Variants in CDAN1 observed in about 807,000 individuals in gnomAD.
CDAN1 encodes codanin 1.
Under a neutral mutation model 139.8 loss-of-function variants are expected in CDAN1, and 107 were observed. That is an observed-to-expected ratio of 0.77 (90% CI 0.65 to 0.90). The LOEUF is 0.90. Ranked by LOEUF, CDAN1 falls within the 40% of genes least tolerant of loss-of-function variation. The pLI is 0.00. For missense variants in CDAN1, 1,667 were observed against 1,575.7 expected, an observed-to-expected ratio of 1.06 and a Z score of -0.98; for synonymous variants, 776 against 660.6, an observed-to-expected ratio of 1.17 and a Z score of -2.68.
Position 42,726,349 on chromosome 15 carries a change from C to G in CDAN1, c.3165G>C (p.Gln1055His). ...DEGVSPEHLE[Q>H]LLGQLGQTLR... The stretch of plus-strand genomic sequence containing the variant: ...GCGTCTGGCCCAGCTGGCCTAGGAG[C>G]TGTTCCAGATGCTCTGGGGAGACTC... The change falls in exon 24 of 28, where the codon CAG becomes CAC. Residue 1055 changes from glutamine to histidine, a missense_variant. Gln to His is a conservative substitution (Grantham distance 24). Coordinates refer to ENST00000356231, the MANE Select transcript of CDAN1 (RefSeq NM_138477.4). The G allele has an allele frequency of 6.3e-7, 1 of 1,596,384 alleles. No individual in the cohort carries two copies. The highest frequency in any genetic ancestry group is 8.5e-7 in the Non-Finnish European group (1 of 1,171,704).
chr15:42,726,325 C>T lies in CDAN1; in HGVS notation c.3189G>A (p.Thr1063=), dbSNP rs140304348. The T allele has an allele frequency of 1.5e-4, 234 of 1,589,794 alleles. No individual in the cohort carries two copies. The highest frequency in any genetic ancestry group is 1.0e-3 in the African/African-American group (78 of 74,576). ...LEQLLGQLGQ[T]LRCRQFLCPP... Reference sequence around the variant, plus strand: ...CACAGCTCACCTGGCGGCACCGCAGCGTCTGGCCCAGCTGGCCTAGGAGCT... The same window carrying T: ...CACAGCTCACCTGGCGGCACCGCAGTGTCTGGCCCAGCTGGCCTAGGAGCT... The change falls in exon 24 of 28, where the codon ACG becomes ACA. Residue 1063 remains threonine, a synonymous_variant. Coordinates refer to ENST00000356231, the MANE Select transcript of CDAN1 (RefSeq NM_138477.4).
chr15:42,733,268 CA>C, intron 8 of CDAN1, 82 bp from the exon 9 acceptor site: 1 of 1,146,632 alleles, frequency 8.7e-7, no homozygotes, highest in Non-Finnish European at 1.3e-6. Flanking sequence ...ATCCGTAGCC[CA>C]CCCACCACCT....
At chr15:42,728,953 G>GTTTAGCAAC in intron 19 of CDAN1, 70 bp downstream of exon 19, 1 of 1,585,730 alleles carries the variant, frequency 6.3e-7, no homozygotes, top group Non-Finnish European at 8.7e-7. Context: ...GACCTTCTCA[G>GTTTAGCAAC]TTTAGCAACT....
At chr15:42,733,840 G>C in intron 8 of CDAN1, 98 bp downstream of exon 8, 1 of 898,802 alleles carries the variant, frequency 1.1e-6, no homozygotes. Flanking sequence ...CCCACCACCT[G>C]TTGGTGCCAA....
Position 42,735,891 on chromosome 15 carries a change from T to C in CDAN1, c.757A>G (p.Met253Val), listed in dbSNP as rs184207000. ...AGGCCATACCGCTCCTTCCTGAGCA[T>C]CTCTCGCTCCTCTTGCAGACTTCTG... ...GCRSLQEEREMLRKERSKQLQ... is the reference protein window; with the variant it reads ...GCRSLQEEREVLRKERSKQLQ... The change falls in exon 3 of 28, where the codon ATG (methionine) becomes GTG (valine). Residue 253 changes from methionine to valine, a missense_variant. Coordinates refer to ENST00000356231, the MANE Select transcript of CDAN1 (RefSeq NM_138477.4). 1 of 1,614,086 alleles carries C rather than the reference T, an allele frequency of 6.2e-7. No individual in the cohort carries two copies. The highest frequency in any genetic ancestry group is 1.7e-5 in the Admixed American group (1 of 60,010).
In CDAN1 at chr15:42,727,851, T is replaced by C. The variant is rs1595852231; in HGVS notation, c.2948-82A>G. ...CCATGCTAACCCATGCCTTTTGCTG[T>C]TTCCTACTGGCTCTCAGTCCCATCG... On this transcript the variant is annotated intron_variant, in intron 22 of 27. Coordinates refer to ENST00000356231, the MANE Select transcript of CDAN1 (RefSeq NM_138477.4). The C allele has an allele frequency of 2.1e-5, 33 of 1,607,568 alleles. No individual in the cohort carries two copies. The South Asian group carries it at 3.6e-4, about 18-fold the overall frequency.
In CDAN1 at chr15:42,728,038, G is replaced by A. The variant is rs370304543; in HGVS notation, c.2869-5C>T. The stretch of plus-strand genomic sequence containing the variant: ...GTTCTCTGCACTGCTCAGAACCTGC[G>A]AAACAGAACTACAGAGTCAGGGGCT... On this transcript the variant is annotated splice_region_variant and splice_polypyrimidine_tract_variant and intron_variant, in intron 21 of 27. Coordinates refer to ENST00000356231, the MANE Select transcript of CDAN1 (RefSeq NM_138477.4). 219 of 1,613,782 alleles carry A rather than the reference G, an allele frequency of 1.4e-4. No homozygotes were observed. The East Asian group carries it at 2.7e-3, about 20-fold the overall frequency.
At chr15:42,734,990 A>G in intron 6 of CDAN1, 110 bp downstream of exon 6, 1 of 756,208 alleles carries the variant, frequency 1.3e-6, no homozygotes. Flanking sequence ...AGGTAGGAGA[A>G]GGTCCAGGAC....
At chr15:42,727,921 C>G (rs2061553378) in intron 22 of CDAN1, 34 bp downstream of exon 22, 1 of 1,610,120 alleles carries the variant, frequency 6.2e-7, no homozygotes, top group African/African-American at 1.3e-5. Context: ...TTTTTAAACA[C>G]TTGATTCAGC....
In CDAN1 at chr15:42,729,313, C is replaced by T; in HGVS notation, c.2457G>A (p.Arg819=). Residue 819 remains arginine, a synonymous_variant, in exon 18 of 28, where the codon CGG becomes CGA. Transcript: ENST00000356231. ...TGATTTTCCTCATGAAGCCCCCACT[C>T]CGTCCACTACTGCCTGACACCCACG... ...LASWVSGSSG[R]SGGFMRKITP... 1.2e-6 allele frequency: 2 copies of T among 1,614,130 alleles called. No individual in the cohort carries two copies. The highest frequency in any genetic ancestry group is 1.7e-6 in the Non-Finnish European group (2 of 1,180,010).
At chr15:42,728,924 C>T in intron 19 of CDAN1, 99 bp downstream of exon 19, 2 of 1,575,510 alleles carry the variant, frequency 1.3e-6, no homozygotes, top group East Asian at 4.5e-5. Flanking sequence ...CATTTCAGCC[C>T]CACACCCACC....
At chr15:42,732,667 C>A (rs974851749) in intron 9 of CDAN1, among the ~76,000 whole-genome samples, 1 of 152,144 alleles carries the variant, frequency 6.6e-6, no homozygotes, top group Non-Finnish European at 1.5e-5. Flanking sequence ...CACTAACAGG[C>A]GGCGGGTTTC....
rs1020205987 is a variant in CDAN1 at position 42,736,429 on chromosome 15, C to A, written c.442G>T (p.Ala148Ser). 2.5e-6 allele frequency: 4 copies of A among 1,600,296 alleles called. No individual in the cohort carries two copies. The highest frequency in any genetic ancestry group is 1.7e-4 in the Middle Eastern group (1 of 6,006). The change falls in exon 2 of 28, where the codon GCC (alanine) becomes TCC (serine). Residue 148 changes from alanine to serine, a missense_variant. Ala to Ser is a moderately conservative substitution (Grantham distance 99, BLOSUM62 1). Transcript: ENST00000356231. ...GAGCCCCTAAGCCTCCGGCCCCCGGCTCCGGGCAGGCTCTCCCCGCTGACC... is the reference window on the plus strand; with the variant it reads ...GAGCCCCTAAGCCTCCGGCCCCCGGATCCGGGCAGGCTCTCCCCGCTGACC... ...EGVSGESLPG[A>S]GGRRLRGSGS...
At chr15:42,726,245 C>G (rs2061525545) in intron 24 of CDAN1, 65 bp downstream of exon 24, 1 of 1,601,312 alleles carries the variant, frequency 6.2e-7, no homozygotes, top group East Asian at 2.2e-5. Flanking sequence ...CAGTGTGGCT[C>G]TGGTTATCAG....
At position 42,733,149 on chromosome 15, in the gene CDAN1, G is replaced by T; in HGVS notation, c.1405C>A (p.His469Asn). 6.2e-7 allele frequency: 1 copy of T among 1,614,026 alleles called. No individual in the cohort carries two copies. Among genetic ancestry groups the T allele is most frequent in the Non-Finnish European group, 8.5e-7 (1 of 1,179,980 alleles). ...AAATCCCAGCCAGGCTCCTCATGGTGATCTTCCCACTCTCGCAGCACCTCA... is the reference window on the plus strand; with the variant it reads ...AAATCCCAGCCAGGCTCCTCATGGTTATCTTCCCACTCTCGCAGCACCTCA... Reference protein sequence around the residue: ...FYEVLREWEDHHEEPGWDFEK... With the variant: ...FYEVLREWEDNHEEPGWDFEK... Residue 469 changes from histidine (H) to asparagine (N), a missense_variant, in exon 9 of 28, where the codon CAC (histidine) becomes AAC (asparagine). His to Asn is a moderately conservative substitution (Grantham distance 68, BLOSUM62 1). This residue lies in a region of CDAN1 where 244 missense variants were observed against 309.4 expected (regional missense o/e 0.79). Transcript: ENST00000356231.
rs1312844764 is a variant in CDAN1, at chr15:42,731,216, A to C, written c.1855T>G (p.Trp619Gly). The C allele has an allele frequency of 6.2e-7, 1 of 1,614,190 alleles. No homozygotes were observed. Among genetic ancestry groups the C allele is most frequent in the Non-Finnish European group, 8.5e-7 (1 of 1,180,034 alleles). Reference sequence around the variant, plus strand: ...CCCTTGTTCTGTTTTCGGACCTGCCAGTCTACGTCTGACTCCCCGTCTTCA... The same window carrying C: ...CCCTTGTTCTGTTTTCGGACCTGCCCGTCTACGTCTGACTCCCCGTCTTCA... ...NDEDGESDVD[W>G]QGERKQFAVV... The change falls in exon 12 of 28, where the codon TGG becomes GGG. Residue 619 changes from tryptophan to glycine, a missense_variant. Physicochemically the swap from Trp to Gly is radical, Grantham distance 184. Around this residue, in one of 3 missense-constraint regions of CDAN1, gnomAD observed 936 missense variants for 844.1 expected, o/e 1.11. Coordinates refer to ENST00000356231, the MANE Select transcript of CDAN1 (RefSeq NM_138477.4).
Position 42,730,658 on chromosome 15 carries a change from T to C in CDAN1, c.2114A>G (p.His705Arg), listed in dbSNP as rs1267216865. Reference sequence around the variant, plus strand: ...GTAATATTCCAGCAAGGGAACAACATGGTCAGCAAAGGAGAGAAACTCCAC... The same window carrying C: ...GTAATATTCCAGCAAGGGAACAACACGGTCAGCAAAGGAGAGAAACTCCAC... ...WLVEFLSFAD[H>R]VVPLLEYYRD... Residue 705 changes from histidine to arginine, a missense_variant, in exon 14 of 28, where the codon CAT becomes CGT. His to Arg is a conservative substitution (Grantham distance 29). Transcript: ENST00000356231. 7 of 1,614,080 alleles carry C rather than the reference T, an allele frequency of 4.3e-6. No homozygotes were observed. Among genetic ancestry groups the C allele is most frequent in the Admixed American group, 1.7e-5 (1 of 60,018 alleles).
At chr15:42,724,934 G>A in intron 27 of CDAN1, 1 of 644,866 alleles carries the variant, frequency 1.6e-6, no homozygotes, top group Non-Finnish European at 2.8e-6. Context: ...GGGCTGTGCT[G>A]CTTTCCAACT....
Position 42,737,122 on chromosome 15 carries a change from G to A in CDAN1, c.-20C>T. 1.4e-6 allele frequency: 2 copies of A among 1,459,978 alleles called. No individual in the cohort carries two copies. Among genetic ancestry groups the A allele is most frequent in the Non-Finnish European group, 9.1e-7 (1 of 1,101,522 alleles). The allele number at this position is 1,459,978 out of a possible 1,614,324, so 90.4% of individuals were successfully genotyped here. A position where few individuals can be genotyped will look rare whatever the true frequency, so the allele number is the denominator to read the frequency against. On this transcript the variant is annotated 5_prime_UTR_variant, in exon 1 of 28. Transcript: ENST00000356231. ...CGCCATCCCGGTCGGGGCGCTCTGG[G>A]GCGACTGCGCAGGCGCCGGCGCGCC... is the stretch of plus-strand genomic sequence containing the variant.
Sources: allele counts gnomAD v4.1 joint callset (sites outside exome capture counted in the v4.1 genomes callset), GRCh38; gene constraint gnomAD v4.1.1; regional missense constraint gnomAD v4.1.1; transcripts MANE v1.5; gene names NCBI Gene and HGNC (gene_info 2026-07-23, HGNC 2026-07-21).